The following RNF19B variants were observed in gnomAD, a reference collection of about 807,000 sequenced individuals.
RNF19B encodes ring finger protein 19B.
RNF19B carries 23 observed loss-of-function variants against 65.5 expected under a neutral mutation model. The ratio of observed to expected loss-of-function variants is 0.35; its 90% CI spans 0.25 to 0.50. The LOEUF is 0.50. Ranked by LOEUF, RNF19B falls within the 20% of genes least tolerant of loss-of-function variation. RNF19B has a pLI of 0.98. For synonymous variants in RNF19B, 372 were observed against 379.6 expected (o/e 0.98, Z 0.23); for missense variants, 794 against 980.0 (o/e 0.81, Z 2.53).
chr1:32,949,410 G>A (rs954895514), intron 2 of RNF19B, among the ~76,000 whole-genome samples, 159 bp downstream of exon 2: 7 of 152,158 alleles, frequency 4.6e-5, no homozygotes, highest in African/African-American at 1.7e-4. Flanking sequence ...AGAGGGAAGT[G>A]CTATCTTTAT....
downstream of RNF19B, among the ~76,000 whole-genome samples, chr1:32,933,731 T>C (rs548749132): frequency 1.3e-5 from 2 of 152,142 alleles, no homozygotes; most frequent in Non-Finnish European, 2.9e-5. Flanking sequence ...CTTTAACTCA[T>C]TTCTTCTTCT....
the RNF19B span, among the ~76,000 whole-genome samples, chr1:32,929,128 G>A: frequency 3.3e-5 from 5 of 152,154 alleles, no homozygotes; most frequent in Non-Finnish European, 1.5e-5. Flanking sequence ...GGCTGTGGGG[G>A]AGGATCTGTT....
chr1:32,964,789 C>T lies in RNF19B; in HGVS notation c.-104G>A. 2 of 1,077,532 alleles carry T rather than the reference C, an allele frequency of 1.9e-6. No homozygotes were observed. The highest frequency in any genetic ancestry group is 3.4e-5 in the African/African-American group (2 of 58,868). The allele number at this position is 1,077,532 out of a possible 1,614,324, so 66.7% of individuals were successfully genotyped here. On this transcript the variant is annotated 5_prime_UTR_variant, in exon 1 of 9. Coordinates refer to ENST00000235150, the MANE Select transcript of RNF19B (RefSeq NM_001300826.2). The surrounding 1 kb of genome is among the most constrained non-coding windows in gnomAD (Gnocchi z 6.5). ...CCGCCGCCGACGCCGCCACCACCGC[C>T]TCAACCGCCCTCCCGGCGATAGAAG...
At chr1:32,954,670 G>A (rs772646181) in intron 1 of RNF19B, among the ~76,000 whole-genome samples, 1 of 151,026 alleles carries the variant, frequency 6.6e-6, no homozygotes, top group African/African-American at 2.4e-5. Context: ...ACTGGGAGGC[G>A]GAGGTTGCAG....
intron 1 of RNF19B, among the ~76,000 whole-genome samples, chr1:32,951,990 G>GGC (rs1642512608): frequency 1.3e-5 from 2 of 148,756 alleles, no homozygotes; most frequent in South Asian, 4.3e-4. Flanking sequence ...GTAGAGACAG[G>GGC]GCTTCACCAT....
At chr1:32,952,064 G>T (rs1245756093) in intron 1 of RNF19B, among the ~76,000 whole-genome samples, 2 of 150,062 alleles carry the variant, frequency 1.3e-5, no homozygotes, top group South Asian at 4.2e-4. Context: ...TTCTCAAAGT[G>T]TTGGGATTAC....
intron 7 of RNF19B, among the ~76,000 whole-genome samples, chr1:32,939,481 T>G (rs752015959): frequency 6.6e-6 from 1 of 151,452 alleles, no homozygotes; most frequent in Non-Finnish European, 1.5e-5. Flanking sequence ...CCCTGCCTAC[T>G]TATTATTATG....
the RNF19B span, among the ~76,000 whole-genome samples, chr1:32,930,468 C>T: frequency 6.6e-6 from 1 of 151,280 alleles, no homozygotes; most frequent in Non-Finnish European, 1.5e-5. Flanking sequence ...TGCAGTGGCA[C>T]GATCATAGTT....
Position 32,964,596 on chromosome 1 carries a change from G to A in RNF19B, c.90C>T (p.Arg30=). 1 of 1,451,820 alleles carries A rather than the reference G, an allele frequency of 6.9e-7. No homozygotes were observed. Among genetic ancestry groups the A allele is most frequent in the Non-Finnish European group, 9.0e-7 (1 of 1,105,178 alleles). The allele number at this position is 1,451,820 out of a possible 1,614,324, so 89.9% of individuals were successfully genotyped here. A position where few individuals can be genotyped will look rare whatever the true frequency, so the allele number is the denominator to read the frequency against. The change falls in exon 1 of 9, where the codon CGC becomes CGT. Residue 30 remains arginine (R), a synonymous_variant. Transcript: ENST00000235150. This position sits in a 1 kb window ranked among gnomAD's most constrained non-coding sequence, Gnocchi z 6.5. ...PDPKCRSGGR[R]RRLTLHSVFS... ...AGACGCTGTGCAAGGTGAGGCGCCG[G>A]CGCCGGCCGCCGCTGCGGCACTTAG...
At chr1:32,953,901 CTTTTTTTTTT>C (rs1180002582) in intron 1 of RNF19B, among the ~76,000 whole-genome samples, 3 of 84,212 alleles carry the variant, frequency 3.6e-5, no homozygotes, top group East Asian at 3.4e-4. Flanking sequence ...GCCCCCACTT[CTTTTTTTTTT>C]TTTTTTTTTT....
In RNF19B at chr1:32,950,502, A is replaced by G. The variant is rs1457971461; in HGVS notation, c.636-728T>C. Among the ~76,000 whole-genome samples the G allele has an allele frequency of 1.3e-5, 2 of 152,108 alleles. 1 individual carries two copies. The highest frequency in any genetic ancestry group is 2.9e-5 in the Non-Finnish European group (2 of 68,026). On this transcript the variant is annotated intron_variant, in intron 1 of 8. Transcript: ENST00000235150. ...ATTTGTTTATACGAAGGAAGAGGAC[A>G]TTAGTGAAATAAAGAGCTATGGCAA... is the stretch of plus-strand genomic sequence containing the variant.
chr1:32,932,007 T>C (rs1642034716), downstream of RNF19B, among the ~76,000 whole-genome samples: 1 of 152,222 alleles, frequency 6.6e-6, no homozygotes, highest in Non-Finnish European at 1.5e-5. Flanking sequence ...TAGTAACCAC[T>C]TTTGGAACCA....
At chr1:32,961,688 T>G (rs1642773820) in intron 1 of RNF19B, among the ~76,000 whole-genome samples, 2 of 152,030 alleles carry the variant, frequency 1.3e-5, no homozygotes, top group Non-Finnish European at 2.9e-5. Flanking sequence ...TTCTTCTAAC[T>G]AATTAAAAAA....
chr1:32,941,361 G>A (rs1642226062), intron 7 of RNF19B, among the ~76,000 whole-genome samples: 1 of 152,024 alleles, frequency 6.6e-6, no homozygotes, highest in Non-Finnish European at 1.5e-5. Flanking sequence ...TGGCCAACAT[G>A]AAACCCTGTC....
chr1:32,938,990 TTC>T (rs1350094575), intron 7 of RNF19B, among the ~76,000 whole-genome samples: 1 of 151,984 alleles, frequency 6.6e-6, no homozygotes, highest in Non-Finnish European at 1.5e-5. Context: ...TCACTCTGAA[TTC>T]TTTCTTTCTT....
At chr1:32,956,124 G>T (rs183726060) in intron 1 of RNF19B, among the ~76,000 whole-genome samples, 1 of 151,958 alleles carries the variant, frequency 6.6e-6, no homozygotes, top group African/African-American at 2.4e-5. Context: ...CCAGCACTTT[G>T]GGAGGCTGAG....
At chr1:32,952,261 C>A (rs887647807) in intron 1 of RNF19B, among the ~76,000 whole-genome samples, 1 of 151,656 alleles carries the variant, frequency 6.6e-6, no homozygotes, top group South Asian at 2.1e-4. Flanking sequence ...GTCAATTAAG[C>A]GCTCAGATTA....
chr1:32,929,339 T>C, the RNF19B span, among the ~76,000 whole-genome samples: 1 of 152,212 alleles, frequency 6.6e-6, no homozygotes, highest in African/African-American at 2.4e-5. Flanking sequence ...ATCTTAATTA[T>C]ATCTGCAACA....
At chr1:32,941,430 C>G (rs1642227370) in intron 7 of RNF19B, among the ~76,000 whole-genome samples, 1 of 151,926 alleles carries the variant, frequency 6.6e-6, no homozygotes, top group Non-Finnish European at 1.5e-5. Context: ...GTCCCAGCCT[C>G]TTGGGAGGCT....
Sources: gnomAD v4.1 joint callset for allele counts (sites outside exome capture counted in the v4.1 genomes callset) on GRCh38, gnomAD v4.1.1 for gene constraint, Gnocchi (gnomAD v3.1) non-coding constraint, MANE v1.5 for transcripts, NCBI Gene and HGNC (gene_info 2026-07-23, HGNC 2026-07-21) for gene names.